The following SRPK2 variants were observed in gnomAD, a reference collection of about 807,000 sequenced individuals.
SRPK2 encodes the protein SRSF protein kinase 2, also known as SFRS protein kinase 2.
In SRPK2, 21 loss-of-function variants were observed where a neutral mutation model predicts 90.8. That is an observed-to-expected ratio of 0.23 (90% CI 0.16 to 0.33). The LOEUF is 0.33. SRPK2 is among the 10% of genes least tolerant of loss of function. SRPK2 has a pLI of 1.00. For missense variants in SRPK2, 620 were observed against 869.0 expected (o/e 0.71, Z 3.60); for synonymous variants, 288 against 311.1 (o/e 0.93, Z 0.78).
Position 105,143,168 on chromosome 7 carries a change from G to C in SRPK2, c.976C>G (p.Gln326Glu). ...ACCTCTGGGCAGTATTCGCCATCCT[G>C]GTCATTGGAAGGTGCAGCTGAGGTG... ...NITSAAPSND[Q>E]DGEYCPEVKL... Residue 326 changes from glutamine to glutamate, a missense_variant, in exon 10 of 16, where the codon CAG becomes GAG. Gln to Glu is a conservative substitution (Grantham distance 29, BLOSUM62 2). Coordinates refer to ENST00000393651, the MANE Select transcript of SRPK2 (RefSeq NM_182692.3). 1.2e-6 allele frequency: 2 copies of C among 1,614,156 alleles called. No homozygotes were observed. The highest frequency in any genetic ancestry group is 1.7e-6 in the Non-Finnish European group (2 of 1,180,020).
Position 105,388,904 on chromosome 7 carries a change from G to T in SRPK2, c.-98C>A. 1 of 1,234,484 alleles carries T rather than the reference G, an allele frequency of 8.1e-7. No individual in the cohort carries two copies. Among genetic ancestry groups the T allele is most frequent in the Non-Finnish European group, 1.0e-6 (1 of 991,728 alleles). 76.5% of individuals were successfully genotyped at this position (1,234,484 alleles called of 1,614,324 possible). ...CTCCACTCGCTCCGCCGGCCGGGAG[G>T]AGACGAGAACCGCGCCTGCGCCGCC... On this transcript the variant is annotated 5_prime_UTR_variant, in exon 1 of 16. Transcript: ENST00000393651.
chr7:105,388,416 T>TC (rs1821904454), intron 2 of SRPK2, among the ~76,000 whole-genome samples: 1 of 142,754 alleles, frequency 7.0e-6, no homozygotes, highest in Non-Finnish European at 1.5e-5. Flanking sequence ...GGGCGGGAGG[T>TC]CGCGGGGTCG....
intron 2 of SRPK2, among the ~76,000 whole-genome samples, chr7:105,348,437 T>C (rs1224250577): frequency 2.7e-5 from 4 of 149,936 alleles, no homozygotes; most frequent in Admixed American, 2.7e-4. Flanking sequence ...TTTTTTTTTT[T>C]TTTTTGAGAT....
Position 105,199,309 on chromosome 7 carries a change from T to A in SRPK2, c.229+4319A>T, listed in dbSNP as rs148293745. Among the ~76,000 whole-genome samples the A allele has an allele frequency of 6.4e-3, 970 of 152,308 alleles. 10 individuals are homozygous for A. Among genetic ancestry groups the A allele is most frequent in the African/African-American group, 0.023 (935 of 41,550 alleles). On this transcript the variant is annotated intron_variant, in intron 3 of 15. Coordinates refer to ENST00000393651, the MANE Select transcript of SRPK2 (RefSeq NM_182692.3). The stretch of plus-strand genomic sequence containing the variant: ...ATGTCTTTTGTTGTTAATTTTTTTT[T>A]AATTGTATTTTGAGGAAACTGAGAA...
At chr7:105,176,197 T>A (rs1791818724) in intron 3 of SRPK2, among the ~76,000 whole-genome samples, 1 of 152,158 alleles carries the variant, frequency 6.6e-6, no homozygotes, top group African/African-American at 2.4e-5. Context: ...ATGTAATTCA[T>A]CATAATTAAT....
chr7:105,128,013 A>T (rs978350675), intron 13 of SRPK2, among the ~76,000 whole-genome samples: 1 of 152,062 alleles, frequency 6.6e-6, no homozygotes, highest in African/African-American at 2.4e-5. Flanking sequence ...TCACTGCATC[A>T]ACCTACCTTC....
intron 2 of SRPK2, among the ~76,000 whole-genome samples, chr7:105,354,564 T>C (rs1002668763): frequency 2.6e-5 from 4 of 152,142 alleles, no homozygotes; most frequent in Admixed American, 1.3e-4. Context: ...CACTCATGCA[T>C]AGCAATGCAA....
chr7:105,371,009 T>C (rs534433523), intron 2 of SRPK2, among the ~76,000 whole-genome samples: 2 of 152,314 alleles, frequency 1.3e-5, no homozygotes, highest in Non-Finnish European at 2.9e-5. Context: ...CATGGACATA[T>C]ACATTTTGTA....
At chr7:105,394,032 C>T (rs1451951338), upstream of SRPK2, among the ~76,000 whole-genome samples, 1 of 152,154 alleles carries the variant, frequency 6.6e-6, no homozygotes, top group East Asian at 1.9e-4. Flanking sequence ...GCCTAGGCAG[C>T]CACTAATGTA....
rs534308155 is a variant in SRPK2, at chr7:105,195,145, G to T, written c.229+8483C>A. ...ACTCATTGCAACCTCCGCCTCCCACGTTGAAGTGATTCTCCTGCCTCCGCC... is the reference window on the plus strand; with the variant it reads ...ACTCATTGCAACCTCCGCCTCCCACTTTGAAGTGATTCTCCTGCCTCCGCC... On this transcript the variant is annotated intron_variant, in intron 3 of 15. Transcript: ENST00000393651. 2.0e-5 allele frequency among the ~76,000 whole-genome samples: 3 copies of T among 152,256 alleles called. No individual in the cohort carries two copies. In the East Asian group the frequency reaches 5.8e-4, roughly 29 times the overall value.
intron 3 of SRPK2, among the ~76,000 whole-genome samples, chr7:105,190,457 AG>A (rs549074288): frequency 1.6e-3 from 237 of 152,118 alleles, no homozygotes; most frequent in Middle Eastern, 6.8e-3. Flanking sequence ...AATTTCTCAA[AG>A]GCTTGTCATT....
chr7:105,308,320 G>T (rs1474865955), intron 2 of SRPK2, among the ~76,000 whole-genome samples: 1 of 152,162 alleles, frequency 6.6e-6, no homozygotes, highest in Non-Finnish European at 1.5e-5. Context: ...GCATTGAAAA[G>T]ATTATGTTCT....
At chr7:105,266,144 T>C (rs1259784734) in intron 2 of SRPK2, among the ~76,000 whole-genome samples, 1 of 152,146 alleles carries the variant, frequency 6.6e-6, no homozygotes, top group Non-Finnish European at 1.5e-5. Context: ...TATTTCCCAA[T>C]TTAGCCCCCC....
chr7:105,246,614 G>A (rs1369101303), intron 2 of SRPK2, among the ~76,000 whole-genome samples: 1 of 152,202 alleles, frequency 6.6e-6, no homozygotes, highest in African/African-American at 2.4e-5. Flanking sequence ...CACTGAGGAA[G>A]GGCCAACATT....
At chr7:105,281,668 T>TAAA (rs58671941) in intron 2 of SRPK2, among the ~76,000 whole-genome samples, 6 of 145,400 alleles carry the variant, frequency 4.1e-5, no homozygotes, top group Admixed American at 6.8e-5. Flanking sequence ...GTTGCTAAGG[T>TAAA]AAAAAAAAAA....
intron 2 of SRPK2, among the ~76,000 whole-genome samples, chr7:105,344,239 G>A (rs922802969): frequency 6.6e-6 from 1 of 151,864 alleles, no homozygotes; most frequent in African/African-American, 2.4e-5. Context: ...CAGACAATAT[G>A]TAAACAAAAT....
chr7:105,328,934 C>A (rs550122556), intron 2 of SRPK2, among the ~76,000 whole-genome samples: 2 of 151,540 alleles, frequency 1.3e-5, no homozygotes, highest in South Asian at 4.2e-4. Context: ...TAATCTCAGA[C>A]ACTCAGGAGG....
chr7:105,306,257 GAAAAGACAC>G (rs1200230487), intron 2 of SRPK2: 1 of 195,724 alleles, frequency 5.1e-6, no homozygotes, highest in Non-Finnish European at 1.1e-5. Flanking sequence ...GCTAGGAAGA[GAAAAGACAC>G]ACCATAATCT....
At chr7:105,134,241 A>G (rs574055901) in intron 11 of SRPK2, among the ~76,000 whole-genome samples, 4 of 152,240 alleles carry the variant, frequency 2.6e-5, no homozygotes, top group Admixed American at 2.6e-4. Flanking sequence ...GCCTGGTGAG[A>G]GGTGACTGGA....
Sources: gnomAD v4.1 joint callset for allele counts (sites outside exome capture counted in the v4.1 genomes callset) on GRCh38, gnomAD v4.1.1 for gene constraint, MANE v1.5 for transcripts, NCBI Gene and HGNC (gene_info 2026-07-23, HGNC 2026-07-21) for gene names.